The following UTS2 variants were observed in gnomAD, a reference collection of about 807,000 sequenced individuals.
The protein encoded by UTS2 is urotensin 2, also known as urotensin-2.
A neutral mutation model predicts 12.6 loss-of-function variants in UTS2; 10 were observed. The ratio of observed to expected loss-of-function variants is 0.80; its 90% CI spans 0.49 to 1.35. UTS2 has a LOEUF of 1.35. UTS2 is among the 40% of genes most tolerant of loss of function. The pLI, the probability that UTS2 is intolerant of heterozygous loss-of-function variation, is 0.00. For synonymous variants in UTS2, 52 were observed against 50.0 expected (o/e 1.04, Z -0.17); for missense variants, 142 against 143.2 (o/e 0.99, Z 0.04).
upstream of UTS2, among the ~76,000 whole-genome samples, chr1:7,856,603 G>A (rs145195387): frequency 1.4e-3 from 51 of 36,142 alleles, no homozygotes; most frequent in African/African-American, 6.0e-3. Context: ...CTGCTGGCAG[G>A]AGAGCCCAGG....
At chr1:7,862,201 C>T in the UTS2 span, among the ~76,000 whole-genome samples, 6 of 150,848 alleles carry the variant, frequency 4.0e-5, no homozygotes, top group African/African-American at 1.5e-4. Context: ...CTGGGATTAC[C>T]GGTGTGAGCC....
chr1:7,912,659 T>C, the UTS2 span, among the ~76,000 whole-genome samples: 1 of 152,132 alleles, frequency 6.6e-6, no homozygotes, highest in Non-Finnish European at 1.5e-5. Context: ...TTTCACCATG[T>C]TGGCCAGGCT....
At chr1:7,855,299 CCG>C (rs534356276), upstream of UTS2, among the ~76,000 whole-genome samples, 757 of 152,132 alleles carry the variant, frequency 5.0e-3, 6 homozygotes, top group Non-Finnish European at 7.9e-3. Context: ...AATGAAAAAG[CCG>C]AGCAAGGCGC....
chr1:7,853,210 CAT>C (rs1353005279), upstream of UTS2: 129 of 1,564,440 alleles, frequency 8.2e-5, no homozygotes, highest in Non-Finnish European at 1.0e-4. Context: ...GGTAACAAGT[CAT>C]AGACAATAAA....
the UTS2 span, among the ~76,000 whole-genome samples, chr1:7,877,400 G>A: frequency 6.6e-6 from 1 of 151,932 alleles, no homozygotes; most frequent in Non-Finnish European, 1.5e-5. Flanking sequence ...CAACAAAATA[G>A]ATATCATAAA....
the UTS2 span, among the ~76,000 whole-genome samples, chr1:7,905,065 G>A: frequency 2.6e-5 from 4 of 151,792 alleles, no homozygotes; most frequent in African/African-American, 7.3e-5. Flanking sequence ...CTAGGCTATA[G>A]TACACAGTTT....
chr1:7,877,164 A>T, the UTS2 span, among the ~76,000 whole-genome samples: 1 of 130,762 alleles, frequency 7.6e-6, no homozygotes, highest in African/African-American at 3.3e-5. Flanking sequence ...GAAACATGAA[A>T]AAACAAGAAA....
the UTS2 span, among the ~76,000 whole-genome samples, chr1:7,899,429 T>C: frequency 4.6e-5 from 7 of 152,190 alleles, no homozygotes; most frequent in South Asian, 2.1e-4. Context: ...TGCAGTTAGG[T>C]GTTTTAAAAA....
At chr1:7,891,098 A>G in the UTS2 span, among the ~76,000 whole-genome samples, 1 of 152,158 alleles carries the variant, frequency 6.6e-6, no homozygotes, top group Non-Finnish European at 1.5e-5. Context: ...ACATGCATGG[A>G]TGAATCTCCA....
the UTS2 span, among the ~76,000 whole-genome samples, chr1:7,880,552 T>G: frequency 6.6e-6 from 1 of 152,026 alleles, no homozygotes; most frequent in Non-Finnish European, 1.5e-5. Flanking sequence ...ACTAACAATT[T>G]GGAGCACCTA....
chr1:7,911,705 C>T, the UTS2 span, among the ~76,000 whole-genome samples: 4 of 152,100 alleles, frequency 2.6e-5, no homozygotes, highest in African/African-American at 9.7e-5. Context: ...AGTTCGAGAC[C>T]AGCCTGGCCA....
chr1:7,862,677 G>A, the UTS2 span, among the ~76,000 whole-genome samples: 3 of 152,054 alleles, frequency 2.0e-5, no homozygotes, highest in Non-Finnish European at 4.4e-5. Flanking sequence ...TTAACAACCA[G>A]TTCTCTCAGG....
Position 7,849,779 on chromosome 1 carries a change from G to A in UTS2, c.215-96C>T. ...AAATAATATTACTAAATTATGTCTAGTTTCTGGTCTTTTTCCACACTGCAG... is the reference window on the plus strand; with the variant it reads ...AAATAATATTACTAAATTATGTCTAATTTCTGGTCTTTTTCCACACTGCAG... On this transcript the variant is annotated intron_variant, in intron 2 of 3. Coordinates refer to ENST00000361696, the MANE Select transcript of UTS2 (RefSeq NM_006786.4). The A allele has an allele frequency of 2.6e-6, 3 of 1,138,888 alleles. No individual in the cohort carries two copies. The South Asian group carries it at 4.8e-5, about 18-fold the overall frequency. The allele number at this position is 1,138,888 out of a possible 1,614,324, so 70.5% of individuals were successfully genotyped here. A position where few individuals can be genotyped will look rare whatever the true frequency, so the allele number is the denominator to read the frequency against.
At chr1:7,874,286 C>T in the UTS2 span, among the ~76,000 whole-genome samples, 1 of 152,158 alleles carries the variant, frequency 6.6e-6, no homozygotes, top group Admixed American at 6.5e-5. Flanking sequence ...GTATAGAGAG[C>T]CGCCTGCATT....
the UTS2 span, among the ~76,000 whole-genome samples, chr1:7,888,635 C>T: frequency 6.6e-6 from 1 of 152,158 alleles, no homozygotes; most frequent in Non-Finnish European, 1.5e-5. Flanking sequence ...ATGTCTAAGA[C>T]GAAGGAGGTT....
At chr1:7,879,986 T>C in the UTS2 span, among the ~76,000 whole-genome samples, 3 of 152,064 alleles carry the variant, frequency 2.0e-5, no homozygotes, top group African/African-American at 4.8e-5. Flanking sequence ...GCATAGTACA[T>C]TGGCTAACAC....
chr1:7,849,681 A>C lies in UTS2; in HGVS notation c.217T>G (p.Ser73Ala). ...CTTGGGTTAAAAATGTTGGTACTTG[A>C]GTCTGAAAAACAGTTTTGAAGCCAG... Reference protein sequence around the residue: ...ERGDILRKADSSTNIFNPRGN... With the variant: ...ERGDILRKADASTNIFNPRGN... The change falls in exon 3 of 4, where the codon TCA (serine) becomes GCA (alanine). Residue 73 changes from serine to alanine, a missense_variant and splice_region_variant. By Grantham distance (99) the Ser-to-Ala change is moderately conservative. Coordinates refer to ENST00000361696, the MANE Select transcript of UTS2 (RefSeq NM_006786.4). 1.9e-6 allele frequency: 3 copies of C among 1,609,366 alleles called. No individual in the cohort carries two copies. The highest frequency in any genetic ancestry group is 2.5e-6 in the Non-Finnish European group (3 of 1,179,030).
upstream of UTS2, among the ~76,000 whole-genome samples, chr1:7,853,949 G>T (rs1330470279): frequency 6.6e-6 from 1 of 152,224 alleles, no homozygotes; most frequent in Non-Finnish European, 1.5e-5. Context: ...ACAAAGATAG[G>T]CCAGGCACGG....
At chr1:7,869,888 A>T in the UTS2 span, among the ~76,000 whole-genome samples, 1 of 152,222 alleles carries the variant, frequency 6.6e-6, no homozygotes, top group African/African-American at 2.4e-5. Flanking sequence ...CATATCACTG[A>T]TATCAGAGGA....
Sources: allele counts gnomAD v4.1 joint callset (sites outside exome capture counted in the v4.1 genomes callset), GRCh38; gene constraint gnomAD v4.1.1; transcripts MANE v1.5; gene names NCBI Gene and HGNC (gene_info 2026-07-23, HGNC 2026-07-21).